Variants in DACH2 observed in about 807,000 individuals in gnomAD.
DACH2 encodes dachshund family transcription factor 2.
DACH2 carries 17 observed loss-of-function variants against 35.8 expected under a neutral mutation model. The ratio of observed to expected loss-of-function variants is 0.48; its 90% CI spans 0.33 to 0.71. The LOEUF is 0.71. Ranked by LOEUF, DACH2 falls within the 30% of genes least tolerant of loss-of-function variation. The probability of loss-of-function intolerance (pLI) is 0.02; values close to 1 mark genes in which losing one functional copy is unlikely to be tolerated. For synonymous variants in DACH2, 195 were observed against 177.3 expected (o/e 1.10, Z -0.79); for missense variants, 469 against 472.7 (o/e 0.99, Z 0.07).
Position 86,714,673 on chromosome X carries a change from G to C in DACH2, c.1057G>C (p.Ala353Pro). Residue 353 changes from alanine to proline, a missense_variant, in exon 6 of 12, where the codon GCA (alanine) becomes CCA (proline). Coordinates refer to ENST00000373125, the MANE Select transcript of DACH2 (RefSeq NM_053281.3). ...LNTIANMAAA[A>P]QIHSPLSRAG... ...TACTATTGCCAACATGGCTGCTGCAGCACAGATTCACAGTCCACTCTCCAG... is the reference window on the plus strand; with the variant it reads ...TACTATTGCCAACATGGCTGCTGCACCACAGATTCACAGTCCACTCTCCAG... 1 of 1,201,494 alleles carries C rather than the reference G, an allele frequency of 8.3e-7. No individual in the cohort carries two copies. The highest frequency in any genetic ancestry group is 1.1e-6 in the Non-Finnish European group (1 of 888,793).
At chrX:86,761,897 C>T (rs2041886447) in intron 7 of DACH2, among the ~76,000 whole-genome samples, 1 of 90,772 alleles carries the variant, frequency 1.1e-5, no homozygotes, top group South Asian at 7.9e-4. Flanking sequence ...CTTGGGCCTC[C>T]ACGTGGCTTG....
rs1464516733 is a variant in DACH2, at chrX:86,365,322, G to A, written c.489-11502G>A. Among the ~76,000 whole-genome samples, 5 of 81,077 alleles carry A rather than the reference G, an allele frequency of 6.2e-5. No homozygotes were observed. In the South Asian group the frequency reaches 1.9e-3, roughly 30 times the overall value. The allele number at this position is 81,077 out of a possible 115,157, so 70.4% of individuals were successfully genotyped here. A position where few individuals can be genotyped will look rare whatever the true frequency, so the allele number is the denominator to read the frequency against. ...TTGATTGAGATCAAGAGATAAAGGCGAAAAACTTGCATGTAAAAAAAAAAA... is the reference window on the plus strand; with the variant it reads ...TTGATTGAGATCAAGAGATAAAGGCAAAAAACTTGCATGTAAAAAAAAAAA... On this transcript the variant is annotated intron_variant, in intron 1 of 11. Coordinates refer to ENST00000373125, the MANE Select transcript of DACH2 (RefSeq NM_053281.3).
intron 2 of DACH2, among the ~76,000 whole-genome samples, chrX:86,479,917 T>C (rs1362931349): frequency 8.9e-6 from 1 of 112,777 alleles, no homozygotes; most frequent in Non-Finnish European, 1.9e-5. Context: ...TCAAAACAAC[T>C]ATTTTGCATT....
chrX:86,818,520 T>G (rs928260911), intron 11 of DACH2, among the ~76,000 whole-genome samples: 1 of 111,486 alleles, frequency 9.0e-6, no homozygotes, highest in African/African-American at 3.2e-5. Context: ...AATGCAAGCT[T>G]AGCCATTATT....
chrX:86,456,310 CA>C (rs1193136013), intron 2 of DACH2, among the ~76,000 whole-genome samples: 1 of 112,221 alleles, frequency 8.9e-6, no homozygotes, highest in Middle Eastern at 4.2e-3. Flanking sequence ...TTTAACTGAA[CA>C]TTTTTTTATC....
intron 7 of DACH2, among the ~76,000 whole-genome samples, chrX:86,770,819 G>A (rs772593383): frequency 8.9e-6 from 1 of 112,205 alleles, no homozygotes; most frequent in Non-Finnish European, 1.9e-5. Context: ...TTCAGTTAAT[G>A]TGGTAACACC....
chrX:86,598,601 C>T (rs2148356028), intron 3 of DACH2, among the ~76,000 whole-genome samples: 1 of 110,842 alleles, frequency 9.0e-6, no homozygotes, highest in African/African-American at 3.3e-5. Context: ...TTTCCATGAT[C>T]CTTGCTGGTT....
intron 3 of DACH2, among the ~76,000 whole-genome samples, chrX:86,639,216 A>C (rs2040315109): frequency 9.0e-6 from 1 of 111,677 alleles, no homozygotes; most frequent in African/African-American, 3.3e-5. Context: ...ACAGAGAATG[A>C]AGAAAAGCAA....
chrX:86,186,923 G>A (rs1313201991), intron 1 of DACH2, among the ~76,000 whole-genome samples: 3 of 111,542 alleles, frequency 2.7e-5, no homozygotes, highest in Non-Finnish European at 5.7e-5. Flanking sequence ...TTTTGCAGAT[G>A]GAGAAACCTA....
intron 1 of DACH2, among the ~76,000 whole-genome samples, chrX:86,190,117 T>C (rs1279910180): frequency 9.2e-6 from 1 of 108,686 alleles, no homozygotes; most frequent in Non-Finnish European, 1.9e-5. Flanking sequence ...TGAGCCAAGA[T>C]CATGCCACTG....
rs574187742 is a variant in DACH2 at position 86,579,205 on chromosome X, G to C, written c.640+64814G>C. Among the ~76,000 whole-genome samples the C allele has an allele frequency of 2.0e-3, 224 of 109,501 alleles. 1 individual carries two copies. Among genetic ancestry groups the C allele is most frequent in the Non-Finnish European group, 3.0e-3 (157 of 52,610 alleles). The stretch of plus-strand genomic sequence containing the variant: ...CCTCCCAGGTTCAAGCAATTCTCCT[G>C]TCTCAGCCTCCCTGGTAGCTGGGAT... On this transcript the variant is annotated intron_variant, in intron 3 of 11. Transcript: ENST00000373125.
At chrX:86,700,974 G>A (rs1403808028) in intron 5 of DACH2, among the ~76,000 whole-genome samples, 1 of 111,778 alleles carries the variant, frequency 8.9e-6, no homozygotes, top group Non-Finnish European at 1.9e-5. Flanking sequence ...AATTGAGGAG[G>A]AGGGACCTTT....
chrX:86,530,139 G>A (rs911583688), intron 3 of DACH2, among the ~76,000 whole-genome samples: 1 of 110,821 alleles, frequency 9.0e-6, no homozygotes, highest in African/African-American at 3.3e-5. Context: ...GCCCATTCAA[G>A]GCATGCACTG....
In DACH2 at chrX:86,148,649, C is replaced by T. The variant is rs746390407; in HGVS notation, c.29C>T (p.Ser10Phe). The stretch of plus-strand genomic sequence containing the variant: ...GCTGTCTCCGCATCTCCAGTGATCT[C>T]TGCAACTTCCAGCGGCGCCGGCGTC... MAVSASPVI[S>F]ATSSGAGVPG... Residue 10 changes from serine to phenylalanine, a missense_variant, in exon 1 of 12, where the codon TCT (serine) becomes TTT (phenylalanine). This residue lies in a region of DACH2 where 99 missense variants were observed against 114.3 expected (regional missense o/e 0.87). Coordinates refer to ENST00000373125, the MANE Select transcript of DACH2 (RefSeq NM_053281.3). The T allele has an allele frequency of 4.2e-6, 5 of 1,181,492 alleles. No homozygotes were observed. In the Admixed American group the frequency reaches 1.2e-4, roughly 28 times the overall value.
At chrX:86,770,278 A>T (rs1414654263) in intron 7 of DACH2, among the ~76,000 whole-genome samples, 1 of 111,284 alleles carries the variant, frequency 9.0e-6, no homozygotes, top group Non-Finnish European at 1.9e-5. Context: ...AAACCTGTGG[A>T]GTCCAAGATA....
At chrX:86,460,758 G>A (rs2037557994) in intron 2 of DACH2, among the ~76,000 whole-genome samples, 2 of 110,528 alleles carry the variant, frequency 1.8e-5, no homozygotes, top group Non-Finnish European at 3.8e-5. Flanking sequence ...CATTAAGCAA[G>A]GAAACTTACA....
chrX:86,678,100 G>A (rs2040841501), intron 4 of DACH2, among the ~76,000 whole-genome samples: 1 of 111,440 alleles, frequency 9.0e-6, no homozygotes, highest in African/African-American at 3.3e-5. Context: ...TAATCAAGGT[G>A]GTACATGGTA....
chrX:86,485,066 G>A (rs1466375222), intron 2 of DACH2, among the ~76,000 whole-genome samples: 1 of 111,238 alleles, frequency 9.0e-6, no homozygotes, highest in African/African-American at 3.3e-5. Context: ...TTTTGTGTGT[G>A]TATTTTTAAC....
At position 86,481,587 on chromosome X, in the gene DACH2, T is replaced by C. The variant is rs761330137; in HGVS notation, c.528-32692T>C. ...ATTGAAAAATTTAGGCAGAAATAGC[T>C]AGTTTCTCTAAGGATCACCAAGTAT... On this transcript the variant is annotated intron_variant, in intron 2 of 11. Coordinates refer to ENST00000373125, the MANE Select transcript of DACH2 (RefSeq NM_053281.3). The C allele has an allele frequency of 6.2e-5, 7 of 112,545 alleles. 1 individual carries two copies. The South Asian group carries it at 2.5e-3, about 41-fold the overall frequency. 9.3% of individuals were successfully genotyped at this position (112,545 alleles called of 1,213,427 possible).
Sources: gnomAD v4.1 joint callset for allele counts (sites outside exome capture counted in the v4.1 genomes callset) on GRCh38, gnomAD v4.1.1 for gene constraint, gnomAD v4.1.1 regional missense constraint, MANE v1.5 for transcripts, NCBI Gene and HGNC (gene_info 2026-07-23, HGNC 2026-07-21) for gene names.